Variants in TRIM54 observed in about 807,000 individuals in gnomAD.
The protein encoded by TRIM54 is tripartite motif-containing protein 54.
A neutral mutation model predicts 42.0 loss-of-function variants in TRIM54; 40 were observed. That is an observed-to-expected ratio of 0.95 (90% CI 0.74 to 1.24). The LOEUF is 1.24. TRIM54 is among the 50% of genes most tolerant of loss of function. TRIM54 has a pLI of 0.00. For missense variants in TRIM54, 485 were observed against 480.3 expected, an observed-to-expected ratio of 1.01 and a Z score of -0.09; for synonymous variants, 199 against 194.9, an observed-to-expected ratio of 1.02 and a Z score of -0.17.
At chr2:27,291,999 A>C (rs1380628784) in intron 1 of TRIM54, among the ~76,000 whole-genome samples, 1 of 151,994 alleles carries the variant, frequency 6.6e-6, no homozygotes, top group Non-Finnish European at 1.5e-5. Flanking sequence ...GAGCTCACAC[A>C]CTCCCGATTT....
rs1331249813 is a variant in TRIM54, at chr2:27,291,857, G to A, written c.169-6710G>A. Among the ~76,000 whole-genome samples, 4 of 152,140 alleles carry A rather than the reference G, an allele frequency of 2.6e-5. No homozygotes were observed. In the East Asian group the frequency reaches 7.7e-4, roughly 29 times the overall value. ...AAATTGGACTTGTGAATCAGGAGGGGACTCTGGGACTGGGGGATGAAAGCT... is the reference window on the plus strand; with the variant it reads ...AAATTGGACTTGTGAATCAGGAGGGAACTCTGGGACTGGGGGATGAAAGCT... On this transcript the variant is annotated intron_variant, in intron 1 of 8. Coordinates refer to ENST00000380075, the MANE Select transcript of TRIM54 (RefSeq NM_187841.3).
chr2:27,301,555 T>A (rs1362093741), intron 3 of TRIM54, among the ~76,000 whole-genome samples: 1 of 152,216 alleles, frequency 6.6e-6, no homozygotes, highest in East Asian at 1.9e-4. Context: ...ATGGCATTAG[T>A]AAACTGTCAT....
At chr2:27,298,294 A>T (rs534676244) in intron 1 of TRIM54, among the ~76,000 whole-genome samples, 6 of 152,182 alleles carry the variant, frequency 3.9e-5, no homozygotes. Context: ...CTTTGGAGAG[A>T]TCCCATCCTG....
rs1031148712 is a variant in TRIM54 at position 27,306,958 on chromosome 2, T to A, written c.*73T>A. ...GAGGATCTGCGCAGAGACCGCAGCA[T>A]CACCCAAATCGGCGCCGGCCCCGGG... is the stretch of plus-strand genomic sequence containing the variant. On this transcript the variant is annotated 3_prime_UTR_variant, in exon 9 of 9. Transcript: ENST00000380075. This position sits in a 1 kb window ranked among gnomAD's most constrained non-coding sequence, Gnocchi z 6.1. The A allele has an allele frequency of 3.9e-6, 1 of 256,178 alleles. No homozygotes were observed. Among genetic ancestry groups the A allele is most frequent in the Admixed American group, 5.0e-5 (1 of 19,952 alleles). The allele number at this position is 256,178 out of a possible 1,614,324, so 15.9% of individuals were successfully genotyped here. A position where few individuals can be genotyped will look rare whatever the true frequency, so the allele number is the denominator to read the frequency against.
At chr2:27,290,684 C>T (rs969210192) in intron 1 of TRIM54, among the ~76,000 whole-genome samples, 1 of 152,124 alleles carries the variant, frequency 6.6e-6, no homozygotes, top group African/African-American at 2.4e-5. Flanking sequence ...GATAAGCATA[C>T]ATTATTTTTT....
intron 3 of TRIM54, among the ~76,000 whole-genome samples, chr2:27,302,179 G>A (rs1679055287): frequency 1.3e-5 from 2 of 151,946 alleles, no homozygotes; most frequent in African/African-American, 2.4e-5. Flanking sequence ...GGCCAGGCGC[G>A]GTGGCTCACG....
chr2:27,303,331 G>A (rs1449176709), intron 3 of TRIM54, among the ~76,000 whole-genome samples: 9 of 152,220 alleles, frequency 5.9e-5, no homozygotes, highest in Admixed American at 2.6e-4. Context: ...CGAGGCGGGC[G>A]GATCACTAGG....
intron 1 of TRIM54, among the ~76,000 whole-genome samples, chr2:27,288,109 C>G (rs1030948139): frequency 6.6e-6 from 1 of 152,228 alleles, no homozygotes; most frequent in Non-Finnish European, 1.5e-5. Context: ...CTGGATTCTT[C>G]TCAGGCGCTT....
At chr2:27,300,556 A>C (rs1037293266) in intron 3 of TRIM54, among the ~76,000 whole-genome samples, 9 of 150,502 alleles carry the variant, frequency 6.0e-5, no homozygotes, top group Non-Finnish European at 1.0e-4. Context: ...GATACTACTA[A>C]TAATAATATT....
At chr2:27,304,225 T>G (rs927471860) in intron 3 of TRIM54, among the ~76,000 whole-genome samples, 2 of 78,550 alleles carry the variant, frequency 2.5e-5, no homozygotes, top group African/African-American at 1.3e-4. Flanking sequence ...TATATATATA[T>G]AGATAGATAG....
In TRIM54 at chr2:27,304,267, T is replaced by G. The variant is rs1679120484; in HGVS notation, c.514-692T>G. Reference sequence around the variant, plus strand: ...AGATAGATATAGATATACAGATATATATATATATATAGATAGATAGATATA... The same window carrying G: ...AGATAGATATAGATATACAGATATAGATATATATATAGATAGATAGATATA... On this transcript the variant is annotated intron_variant, in intron 3 of 8. Transcript: ENST00000380075. Among the ~76,000 whole-genome samples the G allele has an allele frequency of 2.1e-5, 3 of 142,526 alleles. No individual in the cohort carries two copies. In the South Asian group the frequency reaches 6.8e-4, roughly 32 times the overall value. 93.5% of individuals were successfully genotyped at this position (142,526 alleles called of 152,430 possible). A position where few individuals can be genotyped will look rare whatever the true frequency, so the allele number is the denominator to read the frequency against.
At chr2:27,297,831 A>G (rs574106539) in intron 1 of TRIM54, among the ~76,000 whole-genome samples, 22 of 152,156 alleles carry the variant, frequency 1.4e-4, no homozygotes, top group Admixed American at 1.2e-3. Context: ...AATAAAAAAA[A>G]TTATCTGGGC....
chr2:27,282,688 G>A lies in TRIM54; in HGVS notation c.-44G>A, dbSNP rs1678414833. The A allele has an allele frequency of 6.3e-7, 1 of 1,575,910 alleles. No individual in the cohort carries two copies. Among genetic ancestry groups the A allele is most frequent in the Middle Eastern group, 1.7e-4 (1 of 5,806 alleles). ...GAGGAAGGGTCTACAGGCAGTGAGT[G>A]AAGGCCAGGAGCAGGGCCCAGGCCA... On this transcript the variant is annotated 5_prime_UTR_variant, in exon 1 of 9. Coordinates refer to ENST00000380075, the MANE Select transcript of TRIM54 (RefSeq NM_187841.3).
At chr2:27,283,480 T>G (rs1218925402) in intron 1 of TRIM54, among the ~76,000 whole-genome samples, 1 of 151,904 alleles carries the variant, frequency 6.6e-6, no homozygotes, top group Non-Finnish European at 1.5e-5. Context: ...GATTGTTCAG[T>G]AAAGAGGCCT....
intron 3 of TRIM54, among the ~76,000 whole-genome samples, chr2:27,302,527 C>T (rs1486985986): frequency 7.9e-5 from 12 of 152,192 alleles, no homozygotes; most frequent in African/African-American, 2.9e-4. Flanking sequence ...CGTGGTGGCT[C>T]ATGCCTGTAA....
rs1363394564 is a variant in TRIM54, at chr2:27,298,799, CCA to C, written c.341+61_341+62del. The C allele has an allele frequency of 1.7e-5, 26 of 1,546,296 alleles. No individual in the cohort carries two copies. The African/African-American group carries it at 3.4e-4, about 20-fold the overall frequency. On this transcript the variant is annotated intron_variant, in intron 2 of 8. Coordinates refer to ENST00000380075, the MANE Select transcript of TRIM54 (RefSeq NM_187841.3). ...AGGGCTTGGGACACAGCCAAGGAAC[CCA>C]TCAGAGCCAAAAGGGAGAGATTGAA...
chr2:27,298,486 C>T, intron 1 of TRIM54, 81 bp from the exon 2 acceptor site: 2 of 1,129,098 alleles, frequency 1.8e-6, no homozygotes, highest in South Asian at 2.8e-5. Flanking sequence ...ACTCCCTAGC[C>T]CCCAAGCCCT....
At chr2:27,291,970 C>T (rs563797383) in intron 1 of TRIM54, among the ~76,000 whole-genome samples, 103 of 152,286 alleles carry the variant, frequency 6.8e-4, no homozygotes, top group African/African-American at 2.4e-3. Context: ...TGCAGCCTCT[C>T]CCCACCGCCC....
chr2:27,283,602 C>T (rs1048371407), intron 1 of TRIM54, among the ~76,000 whole-genome samples: 1 of 151,700 alleles, frequency 6.6e-6, no homozygotes, highest in African/African-American at 2.4e-5. Context: ...CCAAGCAGAG[C>T]TAATCAAATT....
Sources: allele counts gnomAD v4.1 joint callset (sites outside exome capture counted in the v4.1 genomes callset), GRCh38; gene constraint gnomAD v4.1.1; non-coding constraint Gnocchi (gnomAD v3.1); transcripts MANE v1.5; gene names NCBI Gene and HGNC (gene_info 2026-07-23, HGNC 2026-07-21).